The following ZNF682 variants were observed in gnomAD, a reference collection of about 807,000 sequenced individuals.
The protein encoded by ZNF682 is zinc finger protein 682.
A neutral mutation model predicts 36.5 loss-of-function variants in ZNF682; 29 were observed. The observed-to-expected ratio is 0.80, with a 90% confidence interval of 0.59 to 1.08. The LOEUF (loss-of-function observed/expected upper bound fraction) is 1.08, where lower values mean the gene tolerates loss of function less well. ZNF682 is among the 50% of genes least tolerant of loss of function. The pLI is 0.00. For synonymous variants in ZNF682, 180 were observed against 197.0 expected, an observed-to-expected ratio of 0.91 and a Z score of 0.72; for missense variants, 561 against 579.7, an observed-to-expected ratio of 0.97 and a Z score of 0.33.
intron 1 of ZNF682, among the ~76,000 whole-genome samples, chr19:20,025,608 C>T (rs8106259): frequency 0.75 from 112,916 of 151,242 alleles, 42,579 homozygotes; most frequent in Middle Eastern, 0.84. Flanking sequence ...ATGTGGGAGG[C>T]GGAGATTGCA....
downstream of ZNF682, among the ~76,000 whole-genome samples, chr19:20,001,458 A>C (rs2088167983): frequency 6.6e-6 from 1 of 152,194 alleles, no homozygotes. Flanking sequence ...ATGTCTTTAT[A>C]ATATTCCATA....
intron 3 of ZNF682, chr19:20,015,652 A>G (rs1232095075): frequency 5.2e-6 from 2 of 384,930 alleles, no homozygotes; most frequent in African/African-American, 4.1e-5. Flanking sequence ...CTGGCTATCC[A>G]TAAAAAGCAT....
At chr19:20,021,388 G>A (rs1345080521) in intron 3 of ZNF682, among the ~76,000 whole-genome samples, 4 of 152,070 alleles carry the variant, frequency 2.6e-5, no homozygotes, top group Admixed American at 2.0e-4. Flanking sequence ...GGAGGCTGAG[G>A]CACAAGAATC....
intron 1 of ZNF682, among the ~76,000 whole-genome samples, chr19:20,026,014 T>C (rs1041647913): frequency 6.6e-6 from 1 of 152,120 alleles, no homozygotes; most frequent in Non-Finnish European, 1.5e-5. Context: ...TTTAAAATCC[T>C]GTTTCTGGCC....
intron 3 of ZNF682, among the ~76,000 whole-genome samples, chr19:20,022,166 C>T (rs976801702): frequency 3.8e-5 from 5 of 130,844 alleles, no homozygotes; most frequent in East Asian, 2.2e-4. Context: ...GAAACTCCGT[C>T]GCAAAAAAAA....
At chr19:20,024,223 GA>G (rs1467636921) in intron 2 of ZNF682, 26 bp downstream of exon 2, 4 of 1,611,810 alleles carry the variant, frequency 2.5e-6, no homozygotes, top group African/African-American at 1.3e-5. Flanking sequence ...GTGTGAAATA[GA>G]AATTGTGTAT....
intron 3 of ZNF682, among the ~76,000 whole-genome samples, chr19:20,020,080 A>G (rs1159082172): frequency 1.3e-5 from 2 of 151,948 alleles, no homozygotes; most frequent in African/African-American, 4.8e-5. Context: ...AATTTTAAGC[A>G]TAAAAACATT....
intron 3 of ZNF682, 36 bp from the exon 4 acceptor site, chr19:20,007,311 A>G: frequency 1.3e-6 from 2 of 1,532,012 alleles, no homozygotes; most frequent in Non-Finnish European, 1.8e-6. Context: ...CCCACTTGTT[A>G]TTTTCAGACT....
At position 20,006,866 on chromosome 19, in the gene ZNF682, C is replaced by T. The variant is rs764309010; in HGVS notation, c.636G>A (p.Trp212Ter). Reference sequence around the variant, plus strand: ...TCTTATGTTTAGTAAGGTATGAGAACCACTTAAAGGTTTTGCCACATTCCT... The same window carrying T: ...TCTTATGTTTAGTAAGGTATGAGAATCACTTAAAGGTTTTGCCACATTCCT... ...ICEECGKTFKWFSYLTKHKRI... is the reference protein window; with the variant it reads ...ICEECGKTFK The change falls in exon 4 of 4, where the codon TGG (tryptophan) becomes TGA (stop). Residue 212 changes from tryptophan to a stop codon, truncating the protein, a stop_gained. Coordinates refer to ENST00000397165, the MANE Select transcript of ZNF682 (RefSeq NM_033196.3). LOFTEE classifies it high-confidence loss of function. 12 of 1,613,872 alleles carry T rather than the reference C, an allele frequency of 7.4e-6. No individual in the cohort carries two copies. Among genetic ancestry groups the T allele is most frequent in the South Asian group, 2.2e-5 (2 of 91,066 alleles).
At chr19:20,019,184 T>A (rs1338205838) in intron 3 of ZNF682, among the ~76,000 whole-genome samples, 2 of 151,728 alleles carry the variant, frequency 1.3e-5, no homozygotes, top group Admixed American at 6.6e-5. Context: ...CAAAGTAAAA[T>A]CACAGTAAAA....
chr19:20,032,927 G>C (rs944748453), intron 1 of ZNF682, among the ~76,000 whole-genome samples: 1 of 152,104 alleles, frequency 6.6e-6, no homozygotes, highest in Non-Finnish European at 1.5e-5. Context: ...TTGCAACTTG[G>C]AGCCAAATTC....
rs191423744 is a variant in ZNF682 at position 20,015,043 on chromosome 19, T to C, written c.227-7768A>G. On this transcript the variant is annotated intron_variant, in intron 3 of 3. Coordinates refer to ENST00000397165, the MANE Select transcript of ZNF682 (RefSeq NM_033196.3). ...TGTGGAGATACACTGCACGACAATGTCAATATACCCAATACAACAGAACTG... is the reference window on the plus strand; with the variant it reads ...TGTGGAGATACACTGCACGACAATGCCAATATACCCAATACAACAGAACTG... The C allele has an allele frequency of 9.5e-5, 25 of 263,460 alleles. No individual in the cohort carries two copies. In the Admixed American group the frequency reaches 1.5e-3, roughly 16 times the overall value. 16.3% of individuals were successfully genotyped at this position (263,460 alleles called of 1,614,324 possible). A position where few individuals can be genotyped will look rare whatever the true frequency, so the allele number is the denominator to read the frequency against.
chr19:19,997,533 C>T (rs560819598), intron 3 of ZNF682, among the ~76,000 whole-genome samples: 186 of 152,236 alleles, frequency 1.2e-3, no homozygotes, highest in Middle Eastern at 3.4e-3. Context: ...TGAGATAGAG[C>T]GAAATGTGCC....
intron 3 of ZNF682, among the ~76,000 whole-genome samples, chr19:19,997,774 C>G (rs796835089): frequency 1.3e-5 from 2 of 152,184 alleles, no homozygotes; most frequent in African/African-American, 2.4e-5. Flanking sequence ...CCCTGGGACC[C>G]TGGAGAGCCA....
chr19:20,006,056 CT>C lies in ZNF682; in HGVS notation c.1445del (p.Lys482SerfsTer22), dbSNP rs754989598. On this transcript the variant is annotated frameshift_variant, in exon 4 of 4. Coordinates refer to ENST00000397165, the MANE Select transcript of ZNF682 (RefSeq NM_033196.3). LOFTEE classifies it high-confidence loss of function. ...KRVQRGEKSC[K>X]YKKCGEAFNH... ...TAAAAGCTTCCCCACATTTTTTATA[CT>C]TGCAGGATTTCTCTCCTCTTTGAAC... The C allele has an allele frequency of 8.8e-5, 141 of 1,608,708 alleles. 1 individual carries two copies. The African/African-American group carries it at 1.6e-3, about 19-fold the overall frequency.
intron 1 of ZNF682, among the ~76,000 whole-genome samples, chr19:20,038,214 C>CT (rs900871892): frequency 4.2e-4 from 62 of 146,458 alleles, no homozygotes; most frequent in African/African-American, 4.5e-4. Context: ...GTTTTTTGGT[C>CT]TTTTTTTTTT....
At chr19:20,029,525 T>A (rs1475844086) in intron 1 of ZNF682, among the ~76,000 whole-genome samples, 2 of 149,806 alleles carry the variant, frequency 1.3e-5, no homozygotes, top group Non-Finnish European at 3.0e-5. Flanking sequence ...TGCTTGAACT[T>A]GGGAGGCAGA....
At chr19:20,033,030 C>T (rs1305983486) in intron 1 of ZNF682, among the ~76,000 whole-genome samples, 1 of 152,142 alleles carries the variant, frequency 6.6e-6, no homozygotes. Flanking sequence ...CTTTGGGAGG[C>T]CGAGGTGGGC....
intron 3 of ZNF682, chr19:20,015,341 C>T: frequency 1.0e-6 from 1 of 985,216 alleles, no homozygotes; most frequent in Non-Finnish European, 1.2e-6. Flanking sequence ...TGGGGTAAAA[C>T]CTATTCAGTC....
Sources: gnomAD v4.1 joint callset for allele counts (sites outside exome capture counted in the v4.1 genomes callset) on GRCh38, gnomAD v4.1.1 for gene constraint, MANE v1.5 for transcripts, NCBI Gene and HGNC (gene_info 2026-07-23, HGNC 2026-07-21) for gene names.